The following WDR27 variants were observed in gnomAD, a reference collection of about 807,000 sequenced individuals.
The protein encoded by WDR27 is WD repeat-containing protein 27.
WDR27 carries 100 observed loss-of-function variants against 114.4 expected under a neutral mutation model. The observed-to-expected ratio is 0.87, with a 90% CI of 0.74 to 1.03. The LOEUF (loss-of-function observed/expected upper bound fraction) is 1.03, where lower values mean the gene tolerates loss of function less well. Ranked by LOEUF, WDR27 falls within the 50% of genes least tolerant of loss-of-function variation. The pLI is 0.00. For missense variants in WDR27, 1,129 were observed against 1,092.9 expected (o/e 1.03, Z -0.47); for synonymous variants, 449 against 423.1 (o/e 1.06, Z -0.75).
chr6:169,583,713 T>C (rs1562631198), intron 23 of WDR27, among the ~76,000 whole-genome samples: 1 of 146,168 alleles, frequency 6.8e-6, no homozygotes, highest in Non-Finnish European at 1.5e-5. Flanking sequence ...AACGTCACAT[T>C]GCAGCAGGAG....
At chr6:169,637,676 T>G (rs1307297586) in intron 18 of WDR27, among the ~76,000 whole-genome samples, 1 of 151,230 alleles carries the variant, frequency 6.6e-6, no homozygotes, top group Non-Finnish European at 1.5e-5. Context: ...ATGTGGCAAG[T>G]ATGTAAGTGT....
In WDR27 at chr6:169,602,102, T is replaced by C. The variant is rs527594989; in HGVS notation, c.2424+117A>G. On this transcript the variant is annotated intron_variant, in intron 23 of 25. Transcript: ENST00000448612. ...ATTACTGTGTAAGAGTCTTAAAATA[T>C]TGACCAACAGTCAAGCTGAAAGTAG... 4.7e-5 allele frequency: 30 copies of C among 635,132 alleles called. No homozygotes were observed. In the South Asian group the frequency reaches 9.2e-4, roughly 20 times the overall value. 39.3% of individuals were successfully genotyped at this position (635,132 alleles called of 1,614,324 possible).
intron 1 of WDR27, among the ~76,000 whole-genome samples, chr6:169,699,450 GCA>G (rs1002852609): frequency 5.4e-4 from 83 of 152,298 alleles, no homozygotes; most frequent in African/African-American, 2.0e-3. Flanking sequence ...GGCATCACCA[GCA>G]CACAGAGCTG....
intron 1 of WDR27, among the ~76,000 whole-genome samples, chr6:169,693,146 A>G (rs1041336264): frequency 1.8e-4 from 28 of 152,246 alleles, no homozygotes; most frequent in South Asian, 2.1e-4. Context: ...CTGACTTCTC[A>G]GCAGAAAATT....
intron 23 of WDR27, among the ~76,000 whole-genome samples, chr6:169,586,314 G>A (rs546639957): frequency 3.3e-5 from 5 of 152,180 alleles, no homozygotes; most frequent in South Asian, 2.1e-4. Context: ...TTGATGGCCC[G>A]CATGGCTTTT....
chr6:169,496,910 T>A (rs79517485), intron 25 of WDR27, among the ~76,000 whole-genome samples: 2 of 152,110 alleles, frequency 1.3e-5, no homozygotes, highest in African/African-American at 4.8e-5. Context: ...CTGATCCCAA[T>A]GATGTTTTCT....
chr6:169,697,995 G>A (rs1462027992), intron 1 of WDR27, among the ~76,000 whole-genome samples: 1 of 152,160 alleles, frequency 6.6e-6, no homozygotes, highest in African/African-American at 2.4e-5. Context: ...ATATGAATGT[G>A]CTTGCATTTC....
At chr6:169,449,584 C>T in the WDR27 span, among the ~76,000 whole-genome samples, 2 of 152,174 alleles carry the variant, frequency 1.3e-5, no homozygotes, top group Non-Finnish European at 2.9e-5. Flanking sequence ...GACTGCAGTC[C>T]TTTCCCCTGC....
chr6:169,564,166 G>A (rs1562590562), intron 25 of WDR27, among the ~76,000 whole-genome samples: 2 of 152,226 alleles, frequency 1.3e-5, no homozygotes, highest in Non-Finnish European at 2.9e-5. Context: ...AGGTCCAAGA[G>A]TCCAAAAGCT....
intron 6 of WDR27, 127 bp from the exon 7 acceptor site, chr6:169,665,683 G>A (rs1827664397): frequency 2.2e-6 from 2 of 896,284 alleles, no homozygotes; most frequent in Non-Finnish European, 3.3e-6. Context: ...AGTCAAGTTT[G>A]AACTATTCCA....
At chr6:169,597,243 T>C (rs549281800) in intron 23 of WDR27, among the ~76,000 whole-genome samples, 1 of 152,344 alleles carries the variant, frequency 6.6e-6, no homozygotes, top group East Asian at 1.9e-4. Flanking sequence ...TGACTTGTAC[T>C]CTATTTCCCT....
At position 169,644,878 on chromosome 6, in the gene WDR27, G is replaced by A. The variant is rs1438059330; in HGVS notation, c.1658-1092C>T. Among the ~76,000 whole-genome samples the A allele has an allele frequency of 8.8e-5, 9 of 102,572 alleles. 2 individuals carry two copies. The East Asian group carries it at 3.4e-3, about 38-fold the overall frequency. The allele number at this position is 102,572 out of a possible 152,430, so 67.3% of individuals were successfully genotyped here. A position where few individuals can be genotyped will look rare whatever the true frequency, so the allele number is the denominator to read the frequency against. On this transcript the variant is annotated intron_variant, in intron 16 of 25. Transcript: ENST00000448612. ...CAAAAAATTAGCCGGGCGTAGTGGC[G>A]GGCGCCTGTAGTCCCAGCTACTTGG...
At chr6:169,605,108 C>CAAAAAAAAAAAAAA (rs59884264) in intron 22 of WDR27, among the ~76,000 whole-genome samples, 1 of 76,206 alleles carries the variant, frequency 1.3e-5, no homozygotes, top group African/African-American at 5.9e-5. Context: ...AGCAATTAGG[C>CAAAAAAAAAAAAAA]AAAAAAAAAA....
chr6:169,510,241 G>A (rs1792633970), intron 25 of WDR27, among the ~76,000 whole-genome samples: 1 of 152,178 alleles, frequency 6.6e-6, no homozygotes, highest in Non-Finnish European at 1.5e-5. Flanking sequence ...CAGGGATCTA[G>A]AACTAGAAAT....
rs535185344 is a variant in WDR27 at position 169,687,746 on chromosome 6, T to C, written c.189+1071A>G. Among the ~76,000 whole-genome samples the C allele has an allele frequency of 9.8e-5, 15 of 152,300 alleles. No homozygotes were observed. In the East Asian group the frequency reaches 2.5e-3, roughly 25 times the overall value. Reference sequence around the variant, plus strand: ...ATCTGTGTACACCCACATCCCACAGTTGGCTGTGTGGACTCCACATATATG... The same window carrying C: ...ATCTGTGTACACCCACATCCCACAGCTGGCTGTGTGGACTCCACATATATG... On this transcript the variant is annotated intron_variant, in intron 2 of 25. Coordinates refer to ENST00000448612, the MANE Select transcript of WDR27 (RefSeq NM_182552.5).
intron 22 of WDR27, among the ~76,000 whole-genome samples, chr6:169,607,423 CATATA>C (rs57904907): frequency 0.16 from 22,993 of 145,142 alleles, 2,611 homozygotes; most frequent in East Asian, 0.6. Context: ...CACACACACA[CATATA>C]ATATAATATT....
intron 25 of WDR27, among the ~76,000 whole-genome samples, chr6:169,524,774 A>G (rs1583969678): frequency 6.6e-6 from 1 of 152,206 alleles, no homozygotes; most frequent in Admixed American, 6.5e-5. Flanking sequence ...ATATACAAAA[A>G]TCAAATAAAA....
intron 25 of WDR27, among the ~76,000 whole-genome samples, chr6:169,509,659 C>T (rs1792506014): frequency 6.6e-6 from 1 of 151,784 alleles, no homozygotes; most frequent in Non-Finnish European, 1.5e-5. Context: ...ACATGTTAGA[C>T]CTAAAACCAT....
chr6:169,650,966 TGTTC>T (rs1405584764), intron 14 of WDR27, among the ~76,000 whole-genome samples: 3 of 151,968 alleles, frequency 2.0e-5, no homozygotes, highest in Non-Finnish European at 2.9e-5. Flanking sequence ...CAGTCACCAT[TGTTC>T]AAGCCAGAGA....
Sources: allele counts gnomAD v4.1 joint callset (sites outside exome capture counted in the v4.1 genomes callset), GRCh38; gene constraint gnomAD v4.1.1; transcripts MANE v1.5; gene names NCBI Gene and HGNC (gene_info 2026-07-23, HGNC 2026-07-21).